The following TBC1D2B variants were observed in gnomAD, a reference collection of about 807,000 sequenced individuals.
The protein encoded by TBC1D2B is TBC1 domain family member 2B, also known as TBC1 domain family, member 2B.
TBC1D2B carries 64 observed loss-of-function variants against 100.8 expected under a neutral mutation model. That is an observed-to-expected ratio of 0.64 (90% confidence interval 0.52 to 0.78). TBC1D2B has a LOEUF of 0.78. Among genes scored for constraint, TBC1D2B ranks in the 30% least tolerant of loss-of-function variants. The pLI is 0.00. For synonymous variants in TBC1D2B, 480 were observed against 479.7 expected, an observed-to-expected ratio of 1.00 and a Z score of -0.01; for missense variants, 1,052 against 1,218.4, an observed-to-expected ratio of 0.86 and a Z score of 2.03.
In TBC1D2B at chr15:78,077,395, G is replaced by A; in HGVS notation, c.258C>T (p.Asp86=). The A allele has an allele frequency of 1.0e-5, 16 of 1,545,544 alleles. No homozygotes were observed. The highest frequency in any genetic ancestry group is 2.5e-5 in the East Asian group (1 of 40,350). ...ALPLGHLDIA[D]ACFSYQGPDE... Reference sequence around the variant, plus strand: ...CGGGGCCCTGGTAGCTGAAGCAGGCGTCCGCGATGTCCAAGTGGCCGAGGG... The same window carrying A: ...CGGGGCCCTGGTAGCTGAAGCAGGCATCCGCGATGTCCAAGTGGCCGAGGG... Residue 86 remains aspartate, a synonymous_variant, in exon 1 of 13, where the codon GAC becomes GAT. Coordinates refer to ENST00000300584, the MANE Select transcript of TBC1D2B (RefSeq NM_144572.2).
At chr15:78,066,515 CA>C (rs1443588817) in intron 1 of TBC1D2B, among the ~76,000 whole-genome samples, 1 of 152,156 alleles carries the variant, frequency 6.6e-6, no homozygotes, top group African/African-American at 2.4e-5. Context: ...TCTGGCCTGC[CA>C]ACTAAAGCAG....
intron 2 of TBC1D2B, among the ~76,000 whole-genome samples, chr15:78,049,115 T>C (rs765133148): frequency 7.9e-5 from 12 of 152,120 alleles, no homozygotes; most frequent in Non-Finnish European, 1.5e-4. Flanking sequence ...TCAGGAGGAA[T>C]AGAAATATCT....
At chr15:78,053,174 C>T (rs12442213) in intron 2 of TBC1D2B, among the ~76,000 whole-genome samples, 36,231 of 152,154 alleles carry the variant, frequency 0.24, 5,541 homozygotes, top group East Asian at 0.58. Flanking sequence ...ACAGGCAACT[C>T]GGATGCAGCC....
chr15:78,008,365 G>A (rs563370617), intron 10 of TBC1D2B, among the ~76,000 whole-genome samples: 242 of 152,334 alleles, frequency 1.6e-3, no homozygotes, highest in African/African-American at 5.2e-3. Context: ...GCATCACCAC[G>A]TTCATTCCCA....
chr15:78,021,407 T>C lies in TBC1D2B; in HGVS notation c.1470+2749A>G, dbSNP rs2072512697. Among the ~76,000 whole-genome samples the C allele has an allele frequency of 3.3e-5, 5 of 152,318 alleles. No individual in the cohort carries two copies. In the South Asian group the frequency reaches 1.0e-3, roughly 32 times the overall value. On this transcript the variant is annotated intron_variant, in intron 6 of 12. Coordinates refer to ENST00000300584, the MANE Select transcript of TBC1D2B (RefSeq NM_144572.2). Reference sequence around the variant, plus strand: ...CAATATTTCTTCCTCAACCATACCCTGTCTAGAGCTGAAGGGCTATGAGGG... The same window carrying C: ...CAATATTTCTTCCTCAACCATACCCCGTCTAGAGCTGAAGGGCTATGAGGG...
chr15:78,029,202 G>GCC lies in TBC1D2B; in HGVS notation c.847+803_847+804dup, dbSNP rs58335653. Among the ~76,000 whole-genome samples the GCC allele has an allele frequency of 2.9e-3, 447 of 151,866 alleles. 4 individuals are homozygous for GCC. Among genetic ancestry groups the GCC allele is most frequent in the African/African-American group, 0.01 (431 of 41,438 alleles). On this transcript the variant is annotated intron_variant, in intron 4 of 12. Transcript: ENST00000300584. ...CTCCCAAGTAGCTGGGACTACAGGC[G>GCC]CCCCCCACCACGCCCAGCTAATTTT...
intron 1 of TBC1D2B, among the ~76,000 whole-genome samples, chr15:78,066,411 A>G (rs1224980272): frequency 2.0e-5 from 3 of 152,186 alleles, no homozygotes; most frequent in African/African-American, 4.8e-5. Context: ...AACATTCATC[A>G]TCGGGAGGAG....
intron 1 of TBC1D2B, among the ~76,000 whole-genome samples, chr15:78,076,425 C>G (rs2073829980): frequency 6.6e-6 from 1 of 152,182 alleles, no homozygotes; most frequent in Non-Finnish European, 1.5e-5. Flanking sequence ...TGGACTGTCT[C>G]TAAGGGCCCT....
chr15:78,022,596 G>A (rs1386713765), intron 6 of TBC1D2B, among the ~76,000 whole-genome samples: 1 of 152,050 alleles, frequency 6.6e-6, no homozygotes, highest in African/African-American at 2.4e-5. Context: ...CCAGGCTGGA[G>A]TGTGGTGTGA....
Position 78,071,033 on chromosome 15 carries a change from G to A in TBC1D2B, c.360+6260C>T, listed in dbSNP as rs1210706119. On this transcript the variant is annotated intron_variant, in intron 1 of 12. Transcript: ENST00000300584. ...GACAGGGTCTCACCATGCTGGTCAG[G>A]CTGGTCTCAAACTCCTGACCTCAAG... 2.0e-5 allele frequency among the ~76,000 whole-genome samples: 3 copies of A among 152,212 alleles called. No homozygotes were observed. The East Asian group carries it at 5.8e-4, about 29-fold the overall frequency.
intron 3 of TBC1D2B, among the ~76,000 whole-genome samples, chr15:78,040,880 A>G (rs564180164): frequency 6.8e-6 from 1 of 147,960 alleles, no homozygotes; most frequent in Non-Finnish European, 1.5e-5. Context: ...GAAAGAAAGA[A>G]AGAGAGAGAG....
intron 10 of TBC1D2B, among the ~76,000 whole-genome samples, chr15:78,008,010 C>T (rs1020888913): frequency 6.6e-6 from 1 of 152,186 alleles, no homozygotes; most frequent in Admixed American, 6.5e-5. Flanking sequence ...GCAGGCCAGG[C>T]GGGGGCACAG....
At chr15:78,041,423 A>G (rs1285557461) in intron 3 of TBC1D2B, among the ~76,000 whole-genome samples, 1 of 152,212 alleles carries the variant, frequency 6.6e-6, no homozygotes, top group African/African-American at 2.4e-5. Flanking sequence ...GTCAGTGAGG[A>G]CCATGGCTCT....
chr15:78,024,496 T>C lies in TBC1D2B; in HGVS notation c.1130A>G (p.Tyr377Cys), dbSNP rs775282612. 11 of 1,613,926 alleles carry C rather than the reference T, an allele frequency of 6.8e-6. No homozygotes were observed. The highest frequency in any genetic ancestry group is 9.3e-6 in the Non-Finnish European group (11 of 1,179,870). The change falls in exon 6 of 13, where the codon TAT becomes TGT. Residue 377 changes from tyrosine to cysteine, a missense_variant. Transcript: ENST00000300584. Reference sequence around the variant, plus strand: ...CCGGCTGCTTGTGAAATACTTGTCATACTGGGATGACCGGACTGTCTGCTG... The same window carrying C: ...CCGGCTGCTTGTGAAATACTTGTCACACTGGGATGACCGGACTGTCTGCTG... ...LLQQTVRSSQ[Y>C]DKYFTSSRLC...
chr15:78,052,600 T>C (rs2073336932), intron 2 of TBC1D2B, among the ~76,000 whole-genome samples: 1 of 152,232 alleles, frequency 6.6e-6, no homozygotes, highest in Admixed American at 6.5e-5. Context: ...ATAAAGAGAC[T>C]ATAGGGCTAG....
At chr15:78,008,020 G>T (rs1474632976) in intron 10 of TBC1D2B, among the ~76,000 whole-genome samples, 5 of 152,242 alleles carry the variant, frequency 3.3e-5, no homozygotes, top group Admixed American at 2.6e-4. Flanking sequence ...CGGGGGCACA[G>T]ACCTGGAGAA....
chr15:78,003,796 C>T (rs1474970604), intron 10 of TBC1D2B, among the ~76,000 whole-genome samples: 1 of 152,172 alleles, frequency 6.6e-6, no homozygotes, highest in Non-Finnish European at 1.5e-5. Context: ...TAGGCCACTG[C>T]AAGCAGCAGG....
At chr15:78,023,523 C>A (rs2072569592) in intron 6 of TBC1D2B, among the ~76,000 whole-genome samples, 1 of 152,226 alleles carries the variant, frequency 6.6e-6, no homozygotes, top group Admixed American at 6.5e-5. Context: ...CAGCTGGTCA[C>A]CACCCCAGGC....
intron 2 of TBC1D2B, among the ~76,000 whole-genome samples, chr15:78,048,849 C>T (rs1322327176): frequency 6.6e-6 from 1 of 152,204 alleles, no homozygotes; most frequent in African/African-American, 2.4e-5. Context: ...CTAGGTGCTC[C>T]GCCAGCAACC....
Sources: allele counts gnomAD v4.1 joint callset (sites outside exome capture counted in the v4.1 genomes callset), GRCh38; gene constraint gnomAD v4.1.1; transcripts MANE v1.5; gene names NCBI Gene and HGNC (gene_info 2026-07-23, HGNC 2026-07-21).